The following PREX2 variants were observed in gnomAD, a reference collection of about 807,000 sequenced individuals.
PREX2 encodes the protein phosphatidylinositol-3,4,5-trisphosphate dependent Rac exchange factor 2.
Under a neutral mutation model 203.2 loss-of-function variants are expected in PREX2, and 107 were observed. The observed-to-expected ratio is 0.53, with a 90% confidence interval of 0.45 to 0.62. The LOEUF (loss-of-function observed/expected upper bound fraction) is 0.62, where lower values mean the gene tolerates loss of function less well. Ranked by LOEUF, PREX2 falls within the 20% of genes least tolerant of loss-of-function variation. The pLI is 0.00. For missense variants in PREX2, 1,777 were observed against 1,955.9 expected, an observed-to-expected ratio of 0.91 and a Z score of 1.72; for synonymous variants, 672 against 663.6, an observed-to-expected ratio of 1.01 and a Z score of -0.19.
At chr8:68,020,728 G>A (rs915940342) in intron 3 of PREX2, among the ~76,000 whole-genome samples, 1 of 152,094 alleles carries the variant, frequency 6.6e-6, no homozygotes, top group African/African-American at 2.4e-5. Context: ...TTTATTTCAC[G>A]AAAGAATCAA....
At chr8:68,128,341 T>C (rs1810936942) in intron 31 of PREX2, among the ~76,000 whole-genome samples, 1 of 152,214 alleles carries the variant, frequency 6.6e-6, no homozygotes, top group African/African-American at 2.4e-5. Flanking sequence ...GAATGATTAC[T>C]TGTGATAGCA....
In PREX2 at chr8:68,091,782, A is replaced by G. The variant is rs531527645; in HGVS notation, c.2250+1067A>G. Reference sequence around the variant, plus strand: ...TACCAGAATGTTAATAAGCAGAGAAATCGATTTGAGTTTCATTTCTTTTTA... The same window carrying G: ...TACCAGAATGTTAATAAGCAGAGAAGTCGATTTGAGTTTCATTTCTTTTTA... On this transcript the variant is annotated intron_variant, in intron 20 of 39. Coordinates refer to ENST00000288368, the MANE Select transcript of PREX2 (RefSeq NM_024870.4). Among the ~76,000 whole-genome samples the G allele has an allele frequency of 2.1e-3, 327 of 152,308 alleles. 1 individual carries two copies. The highest frequency in any genetic ancestry group is 7.3e-3 in the African/African-American group (304 of 41,574).
chr8:68,022,077 T>C lies in PREX2; in HGVS notation c.378T>C (p.His126=), dbSNP rs1437219555. 1 of 1,571,736 alleles carries C rather than the reference T, an allele frequency of 6.4e-7. No individual in the cohort carries two copies. Among genetic ancestry groups the C allele is most frequent in the Non-Finnish European group, 8.8e-7 (1 of 1,141,750 alleles). ...TCTATGATGAATATTGTAGTAACCA[T>C]GAGAAGGCACAAAAATTACTTCTTG... The part of the protein sequence containing the change: ...FRIYDEYCSN[H]EKAQKLLLEL... The change falls in exon 4 of 40, where the codon CAT becomes CAC. Residue 126 remains histidine, a synonymous_variant. Transcript: ENST00000288368.
intron 35 of PREX2, among the ~76,000 whole-genome samples, chr8:68,176,169 G>A (rs1390507385): frequency 3.3e-5 from 5 of 152,170 alleles, no homozygotes; most frequent in African/African-American, 9.7e-5. Context: ...GAACTCAGAT[G>A]TAAAATTAGA....
intron 23 of PREX2, chr8:68,105,998 T>C (rs1395461593): frequency 5.8e-6 from 1 of 172,496 alleles, no homozygotes. Flanking sequence ...AAACAATTGT[T>C]GTATATAGCA....
chr8:68,040,147 G>A (rs781463181), intron 7 of PREX2, among the ~76,000 whole-genome samples: 2 of 152,010 alleles, frequency 1.3e-5, no homozygotes, highest in Admixed American at 6.6e-5. Flanking sequence ...TCCTGCCTCA[G>A]GCTCCCAAGT....
rs968094590 is a variant in PREX2, at chr8:68,087,671, C to A, written c.2028-53C>A. ...GTAAAGCTGTACACGACGATTATTTCAACCAGTTTTGATTCTTACGCTTCA... is the reference window on the plus strand; with the variant it reads ...GTAAAGCTGTACACGACGATTATTTAAACCAGTTTTGATTCTTACGCTTCA... On this transcript the variant is annotated intron_variant, in intron 18 of 39. Coordinates refer to ENST00000288368, the MANE Select transcript of PREX2 (RefSeq NM_024870.4). 21 of 1,262,820 alleles carry A rather than the reference C, an allele frequency of 1.7e-5. No individual in the cohort carries two copies. In the Admixed American group the frequency reaches 1.7e-4, roughly 10 times the overall value. 78.2% of individuals were successfully genotyped at this position (1,262,820 alleles called of 1,614,324 possible).
At chr8:67,959,523 G>A (rs1805576237) in intron 1 of PREX2, among the ~76,000 whole-genome samples, 1 of 152,128 alleles carries the variant, frequency 6.6e-6, no homozygotes, top group African/African-American at 2.4e-5. Flanking sequence ...CTAAAGCAGT[G>A]AAAACAGAAA....
chr8:68,103,763 A>G, intron 23 of PREX2: 1 of 517,910 alleles, frequency 1.9e-6, no homozygotes, highest in Non-Finnish European at 3.9e-6. Flanking sequence ...CCGTGACCCC[A>G]CATATGCCTG....
At chr8:67,961,807 C>T (rs1293938957) in intron 1 of PREX2, among the ~76,000 whole-genome samples, 1 of 152,140 alleles carries the variant, frequency 6.6e-6, no homozygotes, top group Non-Finnish European at 1.5e-5. Context: ...TATAGCCTTA[C>T]ATATAACGGA....
intron 35 of PREX2, among the ~76,000 whole-genome samples, chr8:68,190,888 G>A (rs185625011): frequency 6.6e-6 from 1 of 151,262 alleles, no homozygotes; most frequent in East Asian, 1.9e-4. Flanking sequence ...TTTCTGTTTA[G>A]TATCGAGCCA....
chr8:68,128,033 TG>T (rs1490882790), intron 31 of PREX2, among the ~76,000 whole-genome samples: 1 of 151,844 alleles, frequency 6.6e-6, no homozygotes, highest in African/African-American at 2.4e-5. Flanking sequence ...ATTATATGAA[TG>T]AAAAAAGGAA....
rs564685114 is a variant in PREX2, at chr8:68,034,688, A to T, written c.706-3471A>T. On this transcript the variant is annotated intron_variant, in intron 6 of 39. Transcript: ENST00000288368. ...ACATGGAAAAATACAGTGCTACGGG[A>T]CCATTTAAAAATTACTTCTTGTTGG... Among the ~76,000 whole-genome samples, 5 of 152,200 alleles carry T rather than the reference A, an allele frequency of 3.3e-5. No homozygotes were observed. The South Asian group carries it at 1.0e-3, about 32-fold the overall frequency.
rs763957555 is a variant in PREX2 at position 68,131,244 on chromosome 8, G to A, written c.3767-2815G>A. ...AATAGGGGATAGGTCACAAGGTCCCGCTTATGCCACTGTTTTCTAACTTTG... is the reference window on the plus strand; with the variant it reads ...AATAGGGGATAGGTCACAAGGTCCCACTTATGCCACTGTTTTCTAACTTTG... On this transcript the variant is annotated intron_variant, in intron 31 of 39. Coordinates refer to ENST00000288368, the MANE Select transcript of PREX2 (RefSeq NM_024870.4). 5.3e-4 allele frequency among the ~76,000 whole-genome samples: 80 copies of A among 152,194 alleles called. 4 individuals are homozygous for A. Among genetic ancestry groups the A allele is most frequent in the South Asian group, 2.1e-4 (1 of 4,826 alleles).
intron 22 of PREX2, among the ~76,000 whole-genome samples, chr8:68,098,285 A>G (rs2129612495): frequency 6.6e-6 from 1 of 152,270 alleles, no homozygotes; most frequent in Non-Finnish European, 1.5e-5. Flanking sequence ...TTGTTGTTTA[A>G]AATATGAATA....
At chr8:68,221,244 G>A (rs200486815) in intron 38 of PREX2, among the ~76,000 whole-genome samples, 1 of 152,138 alleles carries the variant, frequency 6.6e-6, no homozygotes, top group Non-Finnish European at 1.5e-5. Context: ...TGTACCACAT[G>A]TTTTTTATCC....
At chr8:68,199,731 C>T (rs1358381116) in intron 37 of PREX2, among the ~76,000 whole-genome samples, 1 of 152,164 alleles carries the variant, frequency 6.6e-6, no homozygotes, top group Non-Finnish European at 1.5e-5. Flanking sequence ...TAAAAACCCA[C>T]TTTTGTTGGA....
At chr8:68,205,187 G>C (rs60995650) in intron 37 of PREX2, among the ~76,000 whole-genome samples, 3,416 of 152,214 alleles carry the variant, frequency 0.022, 139 homozygotes, top group African/African-American at 0.078. Flanking sequence ...GTAACTACTG[G>C]CTTTTGAATT....
intron 35 of PREX2, among the ~76,000 whole-genome samples, chr8:68,158,485 G>GA (rs780270951): frequency 2.6e-5 from 4 of 151,914 alleles, no homozygotes; most frequent in Admixed American, 1.3e-4. Flanking sequence ...ATTTTTAAAG[G>GA]AAAAAATGGG....
Sources: gnomAD v4.1 joint callset for allele counts (sites outside exome capture counted in the v4.1 genomes callset) on GRCh38, gnomAD v4.1.1 for gene constraint, MANE v1.5 for transcripts, NCBI Gene and HGNC (gene_info 2026-07-23, HGNC 2026-07-21) for gene names.